PACRGL: variants seen among roughly 807,000 people sequenced by gnomAD.
PACRGL encodes parkin coregulated like.
A neutral mutation model predicts 34.5 loss-of-function variants in PACRGL; 38 were observed. The ratio of observed to expected loss-of-function variants is 1.10; its 90% CI spans 0.85 to 1.44. PACRGL has a LOEUF of 1.44. PACRGL is among the 40% of genes most tolerant of loss of function. PACRGL has a pLI of 0.00. For missense variants in PACRGL, 305 were observed against 281.4 expected (o/e 1.08, Z -0.60); for synonymous variants, 128 against 100.1 (o/e 1.28, Z -1.66).
At chr4:20,708,493 T>A (rs972393565) in intron 4 of PACRGL, among the ~76,000 whole-genome samples, 6 of 152,320 alleles carry the variant, frequency 3.9e-5, no homozygotes, top group Admixed American at 2.6e-4. Context: ...TTTTTAATGG[T>A]ATTTTCGGAT....
intron 3 of PACRGL, among the ~76,000 whole-genome samples, chr4:20,705,660 C>T (rs577493621): frequency 1.3e-4 from 19 of 151,916 alleles, no homozygotes; most frequent in Non-Finnish European, 2.2e-4. Context: ...AGGGAGTTTA[C>T]GGTGACGCTT....
upstream of PACRGL, among the ~76,000 whole-genome samples, chr4:20,697,601 G>A (rs184730633): frequency 1.6e-4 from 24 of 152,284 alleles, no homozygotes; most frequent in Admixed American, 1.1e-3. Context: ...TTTGTGCCTA[G>A]AACTGAAGTT....
Position 20,729,980 on chromosome 4 carries a change from C to A in PACRGL, c.*2639C>A. 1 of 1,311,060 alleles carries A rather than the reference C, an allele frequency of 7.6e-7. No homozygotes were observed. The highest frequency in any genetic ancestry group is 1.0e-6 in the Non-Finnish European group (1 of 974,748). 81.2% of individuals were successfully genotyped at this position (1,311,060 alleles called of 1,614,324 possible). ...CAAAGCTTGTTTGCATAATATGCTT[C>A]AGTGTCAAGCTGAGCAATCTATGCT... On this transcript the variant is annotated 3_prime_UTR_variant, in exon 9 of 9. Transcript: ENST00000503585.
chr4:20,720,525 G>A (rs952761601), intron 7 of PACRGL, among the ~76,000 whole-genome samples: 1 of 152,152 alleles, frequency 6.6e-6, no homozygotes, highest in African/African-American at 2.4e-5. Context: ...GGCAGGCCTT[G>A]TGGTAACAAA....
At chr4:20,755,536 A>G (rs552394341), downstream of PACRGL, among the ~76,000 whole-genome samples, 1 of 152,336 alleles carries the variant, frequency 6.6e-6, no homozygotes, top group East Asian at 1.9e-4. Flanking sequence ...AACAGTAAAC[A>G]AAGTGGAGAA....
intron 3 of PACRGL, among the ~76,000 whole-genome samples, chr4:20,706,280 C>G (rs1205187865): frequency 1.3e-5 from 2 of 151,958 alleles, no homozygotes. Flanking sequence ...GAAATTTAGT[C>G]TTTGTGGGTA....
intron 3 of PACRGL, among the ~76,000 whole-genome samples, chr4:20,705,262 G>T (rs1019347182): frequency 6.6e-6 from 1 of 152,106 alleles, no homozygotes; most frequent in African/African-American, 2.4e-5. Context: ...AATTTAATGA[G>T]ATTTAATAAA....
At position 20,731,569 on chromosome 4, in the gene PACRGL, A is replaced by ATGAC. The variant is rs1366694183; in HGVS notation, c.*4230_*4233dup. 1.0e-6 allele frequency: 1 copy of ATGAC among 985,286 alleles called. No individual in the cohort carries two copies. The highest frequency in any genetic ancestry group is 1.2e-6 in the Non-Finnish European group (1 of 829,918). 61.0% of individuals were successfully genotyped at this position (985,286 alleles called of 1,614,324 possible). On this transcript the variant is annotated 3_prime_UTR_variant, in exon 9 of 9. Transcript: ENST00000503585. ...TTTCTTGTCCACATACACTAAAACA[A>ATGAC]TGACTTTTCTCTTAGAAATCAGATA...
downstream of PACRGL, among the ~76,000 whole-genome samples, chr4:20,753,330 A>G (rs2149348757): frequency 6.6e-6 from 1 of 152,096 alleles, no homozygotes; most frequent in Non-Finnish European, 1.5e-5. Flanking sequence ...CTTTGGTGTG[A>G]CTCCTGCATT....
At chr4:20,757,662 T>A (rs1248518187), downstream of PACRGL, among the ~76,000 whole-genome samples, 1 of 152,138 alleles carries the variant, frequency 6.6e-6, no homozygotes, top group African/African-American at 2.4e-5. Context: ...CGGGAAGACA[T>A]CATACTCAGA....
chr4:20,716,274 A>G, intron 7 of PACRGL: 1 of 652,782 alleles, frequency 1.5e-6, no homozygotes, highest in Non-Finnish European at 2.7e-6. Context: ...GGCAGGGTCC[A>G]TGAGAGACCA....
chr4:20,742,054 C>A (rs900549939), intron 8 of PACRGL, among the ~76,000 whole-genome samples: 9 of 152,118 alleles, frequency 5.9e-5, no homozygotes, highest in Non-Finnish European at 1.0e-4. Context: ...CAATAACAGG[C>A]TCTGAAATTG....
At chr4:20,723,335 C>T (rs1744232330) in intron 7 of PACRGL, among the ~76,000 whole-genome samples, 1 of 152,082 alleles carries the variant, frequency 6.6e-6, no homozygotes, top group African/African-American at 2.4e-5. Flanking sequence ...TGTTTTGTGC[C>T]AGGTATGCCA....
the PACRGL span, among the ~76,000 whole-genome samples, chr4:20,766,125 A>T: frequency 1.3e-5 from 2 of 152,190 alleles, no homozygotes; most frequent in African/African-American, 2.4e-5. Flanking sequence ...AATGTTTTAC[A>T]TGGATTATCT....
chr4:20,727,262 G>A, intron 8 of PACRGL, 23 bp from the exon 9 acceptor site: 1 of 1,590,296 alleles, frequency 6.3e-7, no homozygotes, highest in East Asian at 2.2e-5. Flanking sequence ...TACTAATGAT[G>A]CTCAATTTTT....
chr4:20,716,912 G>T (rs966251185), intron 7 of PACRGL, among the ~76,000 whole-genome samples: 7 of 152,212 alleles, frequency 4.6e-5, no homozygotes, highest in African/African-American at 1.7e-4. Flanking sequence ...TCGCCACACT[G>T]TCTTACACAA....
chr4:20,759,744 T>C, the PACRGL span, among the ~76,000 whole-genome samples: 1 of 152,212 alleles, frequency 6.6e-6, no homozygotes, highest in East Asian at 1.9e-4. Flanking sequence ...CTCTGGAAAT[T>C]CCTCCATTTT....
In PACRGL at chr4:20,730,070, C is replaced by CTATT; in HGVS notation, c.*2731_*2734dup. ...CACATTTGTCTGTTGGATTCAGGATCTATTTGACAAGTTAAATCACATTTT... is the reference window on the plus strand; with the variant it reads ...CACATTTGTCTGTTGGATTCAGGATCTATTTATTTGACAAGTTAAATCACATTTT... On this transcript the variant is annotated 3_prime_UTR_variant, in exon 9 of 9. Coordinates refer to ENST00000503585, the MANE Select transcript of PACRGL (RefSeq NM_001258345.3). The CTATT allele has an allele frequency of 1.9e-6, 3 of 1,605,738 alleles. No homozygotes were observed. Among genetic ancestry groups the CTATT allele is most frequent in the African/African-American group, 1.3e-5 (1 of 74,606 alleles).
chr4:20,731,446 T>C lies in PACRGL; in HGVS notation c.*4105T>C. The C allele has an allele frequency of 2.0e-6, 2 of 985,394 alleles. No homozygotes were observed. The highest frequency in any genetic ancestry group is 2.4e-6 in the Non-Finnish European group (2 of 829,900). The allele number at this position is 985,394 out of a possible 1,614,324, so 61.0% of individuals were successfully genotyped here. ...TCTAAGTAAGCTAACACTGGTTTCT[T>C]TGATAACAGGCTACTACCTGGAGTT... On this transcript the variant is annotated 3_prime_UTR_variant, in exon 9 of 9. Transcript: ENST00000503585.
Sources: allele counts gnomAD v4.1 joint callset (sites outside exome capture counted in the v4.1 genomes callset), GRCh38; gene constraint gnomAD v4.1.1; transcripts MANE v1.5; gene names NCBI Gene and HGNC (gene_info 2026-07-23, HGNC 2026-07-21).